PAPPA: variants seen among roughly 807,000 people sequenced by gnomAD.
PAPPA encodes pappalysin-1.
Under a neutral mutation model 164.0 loss-of-function variants are expected in PAPPA, and 60 were observed. The observed-to-expected ratio is 0.37, with a 90% CI of 0.30 to 0.45. The LOEUF is 0.45. Among genes scored for constraint, PAPPA ranks in the 20% least tolerant of loss-of-function variants. The pLI, the probability that PAPPA is intolerant of heterozygous loss-of-function variation, is 1.00. For synonymous variants in PAPPA, 875 were observed against 814.1 expected, an observed-to-expected ratio of 1.07 and a Z score of -1.27; for missense variants, 1,782 against 2,087.3, an observed-to-expected ratio of 0.85 and a Z score of 2.85.
intron 9 of PAPPA, among the ~76,000 whole-genome samples, chr9:116,275,434 T>C (rs1293547225): frequency 2.6e-5 from 4 of 152,168 alleles, no homozygotes; most frequent in African/African-American, 9.7e-5. Flanking sequence ...TCGTCTCTTG[T>C]TTCCGTATGT....
chr9:116,370,490 G>A (rs745576718), intron 19 of PAPPA, among the ~76,000 whole-genome samples: 1 of 151,474 alleles, frequency 6.6e-6, no homozygotes, highest in Non-Finnish European at 1.5e-5. Flanking sequence ...CCAGGGATGT[G>A]CTGGCAAATA....
intron 6 of PAPPA, 54 bp downstream of exon 6, chr9:116,227,606 C>G: frequency 3.1e-6 from 5 of 1,594,338 alleles, no homozygotes; most frequent in Non-Finnish European, 4.3e-6. Context: ...AAGAACAGCT[C>G]TTTCAATGTA....
chr9:116,309,824 G>A (rs1564219515), intron 10 of PAPPA, among the ~76,000 whole-genome samples: 1 of 152,088 alleles, frequency 6.6e-6, no homozygotes, highest in Non-Finnish European at 1.5e-5. Flanking sequence ...TTTTCAGCAG[G>A]GGGCTAACAT....
At chr9:116,265,439 G>A (rs1331140) in intron 7 of PAPPA, among the ~76,000 whole-genome samples, 56,373 of 151,994 alleles carry the variant, frequency 0.37, 10,723 homozygotes, top group East Asian at 0.66. Flanking sequence ...GAGGAAACAT[G>A]ATCAGATAAT....
intron 1 of PAPPA, among the ~76,000 whole-genome samples, chr9:116,158,806 T>A (rs1564169801): frequency 6.6e-6 from 1 of 152,186 alleles, no homozygotes; most frequent in African/African-American, 2.4e-5. Flanking sequence ...GAAGTGTGTA[T>A]CGTCGCCTGT....
rs906443717 is a variant in PAPPA, at chr9:116,285,696, C to T, written c.2953+14280C>T. 13 of 152,234 alleles carry T rather than the reference C, an allele frequency of 8.5e-5. 1 individual carries two copies. The highest frequency in any genetic ancestry group is 1.5e-5 in the Non-Finnish European group (1 of 68,070). 9.4% of individuals were successfully genotyped at this position (152,234 alleles called of 1,614,324 possible). A position where few individuals can be genotyped will look rare whatever the true frequency, so the allele number is the denominator to read the frequency against. On this transcript the variant is annotated intron_variant, in intron 9 of 21. Coordinates refer to ENST00000328252, the MANE Select transcript of PAPPA (RefSeq NM_002581.5). Reference sequence around the variant, plus strand: ...TGCCGTCATCATTTACATATCTCCCCTCTCACTAGGACCTGAGTTCTTGGA... The same window carrying T: ...TGCCGTCATCATTTACATATCTCCCTTCTCACTAGGACCTGAGTTCTTGGA...
At chr9:116,263,170 G>C (rs2118807136) in intron 7 of PAPPA, among the ~76,000 whole-genome samples, 1 of 152,266 alleles carries the variant, frequency 6.6e-6, no homozygotes, top group South Asian at 2.1e-4. Flanking sequence ...CACACAGCTA[G>C]AAGAAGGAAG....
intron 7 of PAPPA, among the ~76,000 whole-genome samples, chr9:116,263,792 A>G (rs1845031484): frequency 6.6e-6 from 1 of 152,200 alleles, no homozygotes; most frequent in Non-Finnish European, 1.5e-5. Flanking sequence ...GGAGGAAGAG[A>G]CGCGACGAGA....
At chr9:116,325,271 T>A (rs1289603219) in intron 10 of PAPPA, among the ~76,000 whole-genome samples, 1 of 152,102 alleles carries the variant, frequency 6.6e-6, no homozygotes, top group Non-Finnish European at 1.5e-5. Flanking sequence ...CCAGAGAAAA[T>A]GCAGTGGCTC....
Position 116,235,416 on chromosome 9 carries a change from C to T in PAPPA, c.2511C>T (p.Val837=). 1 of 1,613,824 alleles carries T rather than the reference C, an allele frequency of 6.2e-7. No homozygotes were observed. Among genetic ancestry groups the T allele is most frequent in the Non-Finnish European group, 8.5e-7 (1 of 1,179,920 alleles). ...SLGPQNVFCD[V]PLTIRLWDVG... ...GTCCTCAGAATGTCTTCTGTGATGT[C>T]CCACTGACCATCAGACTCTGGGACG... The change falls in exon 7 of 22, where the codon GTC becomes GTT. Residue 837 remains valine (V), a synonymous_variant. Coordinates refer to ENST00000328252, the MANE Select transcript of PAPPA (RefSeq NM_002581.5).
At position 116,296,653 on chromosome 9, in the gene PAPPA, G is replaced by A. The variant is rs114956077; in HGVS notation, c.2954-6104G>A. 8.6e-3 allele frequency among the ~76,000 whole-genome samples: 1,303 copies of A among 152,224 alleles called. 19 individuals are homozygous for A. The highest frequency in any genetic ancestry group is 0.029 in the African/African-American group (1,218 of 41,536). On this transcript the variant is annotated intron_variant, in intron 9 of 21. Transcript: ENST00000328252. ...AATAGAGAAGACTTGCAAAGGAGATGCTCTAGATGAACCTTGAAGAACCAG... is the reference window on the plus strand; with the variant it reads ...AATAGAGAAGACTTGCAAAGGAGATACTCTAGATGAACCTTGAAGAACCAG...
At position 116,331,343 on chromosome 9, in the gene PAPPA, A is replaced by G. The variant is rs1431496171; in HGVS notation, c.3247A>G (p.Thr1083Ala). 2 of 1,610,254 alleles carry G rather than the reference A, an allele frequency of 1.2e-6. No homozygotes were observed. Among genetic ancestry groups the G allele is most frequent in the Non-Finnish European group, 1.7e-6 (2 of 1,176,616 alleles). Reference sequence around the variant, plus strand: ...CCCATATTCCCAGCTGGCTCAGACCACTTTTTGGCTCCGGGTAAGCTGAAG... The same window carrying G: ...CCCATATTCCCAGCTGGCTCAGACCGCTTTTTGGCTCCGGGTAAGCTGAAG... Reference protein sequence around the residue: ...SYPYSQLAQTTFWLRAYFSQP... With the variant: ...SYPYSQLAQTAFWLRAYFSQP... The change falls in exon 11 of 22, where the codon ACT (threonine) becomes GCT (alanine). Residue 1083 changes from threonine to alanine, a missense_variant. This residue lies in a region of PAPPA where 1,324 missense variants were observed against 1,656.9 expected (regional missense o/e 0.80). Transcript: ENST00000328252.
chr9:116,259,957 A>G (rs907202552), intron 7 of PAPPA, among the ~76,000 whole-genome samples: 1 of 152,208 alleles, frequency 6.6e-6, no homozygotes, highest in African/African-American at 2.4e-5. Flanking sequence ...AAATTATGAT[A>G]TATTCATATG....
At chr9:116,239,208 G>C (rs1844708456) in intron 7 of PAPPA, among the ~76,000 whole-genome samples, 1 of 152,140 alleles carries the variant, frequency 6.6e-6, no homozygotes, top group Non-Finnish European at 1.5e-5. Flanking sequence ...ACTTCTAGTA[G>C]ACTGATTACT....
intron 7 of PAPPA, among the ~76,000 whole-genome samples, chr9:116,263,971 T>C (rs1179096653): frequency 6.6e-6 from 1 of 152,218 alleles, no homozygotes. Flanking sequence ...ACTTAGACAA[T>C]GACTGGATAG....
chr9:116,232,721 T>G (rs1001473697), intron 6 of PAPPA, among the ~76,000 whole-genome samples: 1 of 152,240 alleles, frequency 6.6e-6, no homozygotes, highest in African/African-American at 2.4e-5. Flanking sequence ...GCTTTGGTTA[T>G]GGTTACACTT....
At chr9:116,179,283 C>T (rs1274669964) in intron 1 of PAPPA, among the ~76,000 whole-genome samples, 1 of 152,122 alleles carries the variant, frequency 6.6e-6, no homozygotes, top group Non-Finnish European at 1.5e-5. Context: ...AAGAAGAATA[C>T]AGGCAGGAGA....
intron 13 of PAPPA, among the ~76,000 whole-genome samples, chr9:116,337,420 G>T (rs1219605133): frequency 6.6e-6 from 1 of 152,192 alleles, no homozygotes; most frequent in East Asian, 1.9e-4. Flanking sequence ...ACAAACAAGG[G>T]AGGAAAGGAA....
chr9:116,380,222 C>T (rs902844254), intron 20 of PAPPA, among the ~76,000 whole-genome samples: 5 of 152,168 alleles, frequency 3.3e-5, no homozygotes, highest in Non-Finnish European at 7.3e-5. Context: ...TTCACTATTG[C>T]ATCCTTTTCC....
Sources: allele counts gnomAD v4.1 joint callset (sites outside exome capture counted in the v4.1 genomes callset), GRCh38; gene constraint gnomAD v4.1.1; regional missense constraint gnomAD v4.1.1; transcripts MANE v1.5; gene names NCBI Gene and HGNC (gene_info 2026-07-23, HGNC 2026-07-21).